Variants in CNTNAP5 observed in about 807,000 individuals in gnomAD.
The protein encoded by CNTNAP5 is contactin-associated protein-like 5.
CNTNAP5 carries 72 observed loss-of-function variants against 150.2 expected under a neutral mutation model. The observed-to-expected ratio is 0.48, with a 90% CI of 0.40 to 0.58. The LOEUF (loss-of-function observed/expected upper bound fraction) is 0.58, where lower values mean the gene tolerates loss of function less well. CNTNAP5 is among the 20% of genes least tolerant of loss of function. The pLI is 0.00. For missense variants in CNTNAP5, 1,636 were observed against 1,626.2 expected (o/e 1.01, Z -0.10); for synonymous variants, 672 against 619.8 (o/e 1.08, Z -1.25).
chr2:124,908,101 A>G (rs1421545645), intron 22 of CNTNAP5, among the ~76,000 whole-genome samples: 4 of 152,002 alleles, frequency 2.6e-5, no homozygotes, highest in African/African-American at 4.8e-5. Flanking sequence ...GGCTGGATGC[A>G]GTGGCTCACA....
intron 21 of CNTNAP5, among the ~76,000 whole-genome samples, chr2:124,877,495 G>A (rs2104733999): frequency 6.6e-6 from 1 of 152,158 alleles, no homozygotes; most frequent in East Asian, 1.9e-4. Flanking sequence ...TGTTTTGTGT[G>A]GTGGCCCAGA....
At chr2:124,722,496 G>A (rs1406615900) in intron 13 of CNTNAP5, among the ~76,000 whole-genome samples, 1 of 152,126 alleles carries the variant, frequency 6.6e-6, no homozygotes, top group Non-Finnish European at 1.5e-5. Context: ...CCAAATCCTA[G>A]TATGGCAAAT....
intron 13 of CNTNAP5, among the ~76,000 whole-genome samples, chr2:124,705,460 G>A (rs1466599059): frequency 9.9e-5 from 15 of 152,126 alleles, no homozygotes; most frequent in Middle Eastern, 3.4e-3. Flanking sequence ...CCCGGGAGGC[G>A]GAGGTTGCAG....
chr2:124,673,504 C>T (rs1318335950), intron 13 of CNTNAP5, among the ~76,000 whole-genome samples: 1 of 148,718 alleles, frequency 6.7e-6, no homozygotes, highest in Non-Finnish European at 1.5e-5. Flanking sequence ...ACTTACGTTT[C>T]TTGAAGGCCT....
At chr2:124,182,789 C>T (rs1685240537) in intron 1 of CNTNAP5, among the ~76,000 whole-genome samples, 6 of 152,126 alleles carry the variant, frequency 3.9e-5, no homozygotes, top group Admixed American at 3.9e-4. Context: ...CATCTTCTGC[C>T]TGTGTCTTTA....
rs558796084 is a variant in CNTNAP5, at chr2:124,808,978, C to CT, written c.3217+10669dup. On this transcript the variant is annotated intron_variant, in intron 19 of 23. Coordinates refer to ENST00000682447, the MANE Select transcript of CNTNAP5 (RefSeq NM_001367498.1). ...TGTTCCCAGAGCTCTTATGGTAAGA[C>CT]TTTTTTTTTTTCTCTATACTGGAGA... is the stretch of plus-strand genomic sequence containing the variant. Among the ~76,000 whole-genome samples, 224 of 147,526 alleles carry CT rather than the reference C, an allele frequency of 1.5e-3. 1 individual carries two copies. Among genetic ancestry groups the CT allele is most frequent in the African/African-American group, 4.5e-3 (182 of 40,354 alleles).
intron 6 of CNTNAP5, among the ~76,000 whole-genome samples, chr2:124,462,041 A>G (rs1193872693): frequency 6.6e-6 from 1 of 152,154 alleles, no homozygotes; most frequent in Non-Finnish European, 1.5e-5. Flanking sequence ...TTAACCACCC[A>G]AAACAGCCCT....
intron 7 of CNTNAP5, among the ~76,000 whole-genome samples, chr2:124,488,477 G>T (rs774636744): frequency 7.9e-5 from 12 of 152,266 alleles, no homozygotes; most frequent in Middle Eastern, 3.4e-3. Context: ...TCCATTAGTG[G>T]CCTTTCTAAT....
chr2:124,437,800 A>G (rs1164701614), intron 5 of CNTNAP5, among the ~76,000 whole-genome samples: 1 of 152,304 alleles, frequency 6.6e-6, no homozygotes, highest in East Asian at 1.9e-4. Flanking sequence ...ACAGAGAGAA[A>G]GAGAGGCAGG....
intron 18 of CNTNAP5, among the ~76,000 whole-genome samples, chr2:124,791,614 C>T (rs1681730212): frequency 6.6e-6 from 1 of 151,610 alleles, no homozygotes; most frequent in Admixed American, 6.6e-5. Flanking sequence ...AGAACATGGA[C>T]AGTAGACCTC....
chr2:124,707,138 GAGGAA>G (rs1679696571), intron 13 of CNTNAP5, among the ~76,000 whole-genome samples: 5 of 80,246 alleles, frequency 6.2e-5, no homozygotes, highest in Non-Finnish European at 1.4e-4. Flanking sequence ...AGAAGAAGAA[GAGGAA>G]GAAGAAGAAG....
At chr2:124,908,955 T>C (rs1009760574) in intron 22 of CNTNAP5, among the ~76,000 whole-genome samples, 3 of 152,086 alleles carry the variant, frequency 2.0e-5, no homozygotes, top group African/African-American at 7.2e-5. Context: ...TTTTAAGTGT[T>C]ATGACAAAGA....
chr2:124,454,910 G>T (rs1168676589), intron 6 of CNTNAP5, among the ~76,000 whole-genome samples: 2 of 152,048 alleles, frequency 1.3e-5, no homozygotes. Flanking sequence ...TAAGAGGAAA[G>T]TTCATAGCCC....
Position 124,905,550 on chromosome 2 carries a change from T to A in CNTNAP5, c.3655+2450T>A, listed in dbSNP as rs1181569491. 3.3e-5 allele frequency among the ~76,000 whole-genome samples: 5 copies of A among 152,314 alleles called. No individual in the cohort carries two copies. In the East Asian group the frequency reaches 9.7e-4, roughly 29 times the overall value. On this transcript the variant is annotated intron_variant, in intron 22 of 23. Coordinates refer to ENST00000682447, the MANE Select transcript of CNTNAP5 (RefSeq NM_001367498.1). ...TTCTTAGTCACTGTCATTTTGGGTG[T>A]CTGAAAATGTATCTGGGATTTTGTC...
intron 13 of CNTNAP5, among the ~76,000 whole-genome samples, chr2:124,731,050 C>T (rs1362913725): frequency 2.0e-5 from 3 of 152,072 alleles, no homozygotes; most frequent in South Asian, 2.1e-4. Flanking sequence ...TGCCTCGTGC[C>T]GTTTCCAGCA....
chr2:124,706,212 A>G (rs1413127809), intron 13 of CNTNAP5, among the ~76,000 whole-genome samples: 2 of 152,098 alleles, frequency 1.3e-5, no homozygotes, highest in African/African-American at 2.4e-5. Context: ...TAGTTTTGTA[A>G]GGCTTGGGGT....
intron 1 of CNTNAP5, among the ~76,000 whole-genome samples, chr2:124,170,226 A>T (rs1434923621): frequency 1.3e-5 from 2 of 149,954 alleles, no homozygotes; most frequent in East Asian, 4.1e-4. Flanking sequence ...ACTTTCAGAC[A>T]TTATGTCTTA....
chr2:124,309,007 GGA>G (rs1402517447), intron 3 of CNTNAP5, among the ~76,000 whole-genome samples: 1 of 152,080 alleles, frequency 6.6e-6, no homozygotes, highest in African/African-American at 2.4e-5. Context: ...AGACCCCCAT[GGA>G]TGCATGAAAA....
intron 1 of CNTNAP5, among the ~76,000 whole-genome samples, chr2:124,075,856 T>C (rs531763889): frequency 6.6e-6 from 1 of 152,282 alleles, no homozygotes; most frequent in Non-Finnish European, 1.5e-5. Context: ...GCAAAGTTTG[T>C]ACTTTATGCC....
Sources: allele counts gnomAD v4.1 joint callset (sites outside exome capture counted in the v4.1 genomes callset), GRCh38; gene constraint gnomAD v4.1.1; transcripts MANE v1.5; gene names NCBI Gene and HGNC (gene_info 2026-07-23, HGNC 2026-07-21).